Variants in CCDC125 observed in about 807,000 individuals in gnomAD.
CCDC125 encodes the protein coiled-coil domain-containing protein 125.
A neutral mutation model predicts 57.4 loss-of-function variants in CCDC125; 43 were observed. The ratio of observed to expected loss-of-function variants is 0.75; its 90% CI spans 0.59 to 0.97. The LOEUF (loss-of-function observed/expected upper bound fraction) is 0.97. CCDC125 is among the 50% of genes least tolerant of loss of function. The pLI is 0.00. For missense variants in CCDC125, 563 were observed against 595.7 expected (o/e 0.95, Z 0.57); for synonymous variants, 187 against 195.2 (o/e 0.96, Z 0.35).
intron 3 of CCDC125, among the ~76,000 whole-genome samples, chr5:69,312,942 A>C (rs1758395955): frequency 1.3e-5 from 2 of 152,162 alleles, no homozygotes; most frequent in South Asian, 4.1e-4. Context: ...GGAACCAGCC[A>C]GCACAGGGAG....
At chr5:69,287,316 T>A (rs1050700460) in intron 10 of CCDC125, among the ~76,000 whole-genome samples, 1 of 149,478 alleles carries the variant, frequency 6.7e-6, no homozygotes, top group African/African-American at 2.5e-5. Flanking sequence ...CAGGCTGGAG[T>A]GCAACAGCGC....
At chr5:69,311,773 A>C (rs1486646358) in intron 3 of CCDC125, among the ~76,000 whole-genome samples, 1 of 148,904 alleles carries the variant, frequency 6.7e-6, no homozygotes, top group Non-Finnish European at 1.5e-5. Flanking sequence ...TCACTCTGTC[A>C]CCCAGGCTGG....
intron 10 of CCDC125, among the ~76,000 whole-genome samples, chr5:69,288,973 G>A (rs1753967163): frequency 1.3e-5 from 2 of 152,190 alleles, no homozygotes. Flanking sequence ...TGGAAGGTAG[G>A]AATTATGGAA....
downstream of CCDC125, chr5:69,277,076 T>G: frequency 7.1e-7 from 1 of 1,408,904 alleles, no homozygotes; most frequent in East Asian, 2.5e-5. Flanking sequence ...TGTGAACAAC[T>G]TTTTTTTTTC....
chr5:69,294,394 G>A (rs1044536949), intron 9 of CCDC125, among the ~76,000 whole-genome samples: 6 of 150,810 alleles, frequency 4.0e-5, no homozygotes, highest in Non-Finnish European at 8.8e-5. Context: ...TGCAACCTCC[G>A]CCTCCCGGAT....
chr5:69,315,775 A>AAG (rs1554082518), intron 2 of CCDC125, among the ~76,000 whole-genome samples: 1 of 47,628 alleles, frequency 2.1e-5, no homozygotes, highest in Non-Finnish European at 4.9e-5. Flanking sequence ...AAAAAAAAAA[A>AAG]AAAGAAACCA....
chr5:69,276,486 C>T (rs926846241), downstream of CCDC125: 2 of 1,512,466 alleles, frequency 1.3e-6, no homozygotes, highest in African/African-American at 2.8e-5. Flanking sequence ...GTAAGATTTT[C>T]CTTAACACAT....
chr5:69,327,824 C>T (rs771174676), intron 1 of CCDC125, among the ~76,000 whole-genome samples: 1 of 152,262 alleles, frequency 6.6e-6, no homozygotes, highest in Middle Eastern at 3.4e-3. Flanking sequence ...ATTTTTGGTT[C>T]TTCAGAGCTC....
chr5:69,279,675 C>T (rs1418953657), downstream of CCDC125, among the ~76,000 whole-genome samples: 1 of 152,094 alleles, frequency 6.6e-6, no homozygotes, highest in African/African-American at 2.4e-5. Context: ...TGTCTGACTT[C>T]CTCGTGTGTG....
In CCDC125 at chr5:69,280,833, ACTCT is replaced by A. The variant is rs1397213234; in HGVS notation, c.*1892_*1895del. ...CTTTTCTTTTGGAGATGGGGGTCTCACTCTGTCACTCAGGCTGGAGTGCAGTGGC... is the reference window on the plus strand; with the variant it reads ...CTTTTCTTTTGGAGATGGGGGTCTCAGTCACTCAGGCTGGAGTGCAGTGGC... On this transcript the variant is annotated 3_prime_UTR_variant, in exon 12 of 12. Transcript: ENST00000396496. The A allele has an allele frequency of 6.6e-6, 1 of 152,390 alleles. No individual in the cohort carries two copies. The highest frequency in any genetic ancestry group is 2.4e-5 in the African/African-American group (1 of 41,440). 9.4% of individuals were successfully genotyped at this position (152,390 alleles called of 1,614,324 possible). A position where few individuals can be genotyped will look rare whatever the true frequency, so the allele number is the denominator to read the frequency against.
intron 1 of CCDC125, among the ~76,000 whole-genome samples, chr5:69,324,516 C>T (rs750887490): frequency 2.0e-5 from 3 of 152,164 alleles, no homozygotes; most frequent in Non-Finnish European, 2.9e-5. Flanking sequence ...AAGATGTGTG[C>T]ATGAATATTC....
At chr5:69,278,884 T>TGAGAC (rs1341902838), downstream of CCDC125, among the ~76,000 whole-genome samples, 1 of 141,844 alleles carries the variant, frequency 7.1e-6, no homozygotes, top group African/African-American at 2.6e-5. Flanking sequence ...TTTTTTTTAA[T>TGAGAC]GAGACAGAGT....
chr5:69,324,271 C>T (rs908133717), intron 1 of CCDC125, among the ~76,000 whole-genome samples: 46 of 152,348 alleles, frequency 3.0e-4, no homozygotes, highest in African/African-American at 1.1e-3. Flanking sequence ...TGCTCAGCAT[C>T]ATTAGTTATC....
At chr5:69,292,900 T>C (rs1362501406) in intron 9 of CCDC125, among the ~76,000 whole-genome samples, 1 of 150,166 alleles carries the variant, frequency 6.7e-6, no homozygotes, top group African/African-American at 2.5e-5. Context: ...GAGTGCAGTG[T>C]CGTGATCTCG....
At chr5:69,313,722 C>A in intron 3 of CCDC125, 1 of 772,394 alleles carries the variant, frequency 1.3e-6, no homozygotes, top group Non-Finnish European at 2.4e-6. Flanking sequence ...CTTGCCCTCC[C>A]CTTCAGGATG....
rs901552817 is a variant in CCDC125, at chr5:69,299,215, T to C, written c.816+797A>G. Among the ~76,000 whole-genome samples, 36 of 152,124 alleles carry C rather than the reference T, an allele frequency of 2.4e-4. 1 individual carries two copies. In the South Asian group the frequency reaches 7.3e-3, roughly 31 times the overall value. ...AGCTCCGCCTCCTGGGTTCACGCCA[T>C]TCTCCTGCCTCAGCCTCCCAAGTAG... On this transcript the variant is annotated intron_variant, in intron 8 of 11. Transcript: ENST00000396496.
At chr5:69,306,770 T>A in intron 6 of CCDC125, 47 bp downstream of exon 6, 1 of 1,348,220 alleles carries the variant, frequency 7.4e-7, no homozygotes, top group Non-Finnish European at 9.6e-7. Flanking sequence ...TTGAATTACA[T>A]AGATTTTAAA....
At chr5:69,300,301 A>G (rs1437743353) in intron 7 of CCDC125, among the ~76,000 whole-genome samples, 174 bp from the exon 8 acceptor site, 3 of 152,206 alleles carry the variant, frequency 2.0e-5, no homozygotes, top group African/African-American at 7.2e-5. Flanking sequence ...AAGATCATAT[A>G]TATGTAATAC....
chr5:69,277,111 A>T, downstream of CCDC125: 1 of 1,596,424 alleles, frequency 6.3e-7, no homozygotes, highest in Non-Finnish European at 8.5e-7. Context: ...TCCTAGGAGG[A>T]TTGCCCAAGA....
Sources: gnomAD v4.1 joint callset for allele counts (sites outside exome capture counted in the v4.1 genomes callset) on GRCh38, gnomAD v4.1.1 for gene constraint, MANE v1.5 for transcripts, NCBI Gene and HGNC (gene_info 2026-07-23, HGNC 2026-07-21) for gene names.